RABGAP1: variants seen among roughly 807,000 people sequenced by gnomAD.
The protein encoded by RABGAP1 is RAB GTPase activating protein 1, also known as rab GTPase-activating protein 1.
In RABGAP1, 23 loss-of-function variants were observed where a neutral mutation model predicts 137.6. The ratio of observed to expected loss-of-function variants is 0.17; its 90% confidence interval spans 0.12 to 0.24. The LOEUF is 0.24. Among genes scored for constraint, RABGAP1 ranks in the 10% least tolerant of loss-of-function variants. The pLI is 1.00. For missense variants in RABGAP1, 906 were observed against 1,275.8 expected, an observed-to-expected ratio of 0.71 and a Z score of 4.42; for synonymous variants, 451 against 450.7, an observed-to-expected ratio of 1.00 and a Z score of -0.01.
At chr9:123,088,011 T>A (rs1300133629) in intron 19 of RABGAP1, among the ~76,000 whole-genome samples, 1 of 152,038 alleles carries the variant, frequency 6.6e-6, no homozygotes, top group Non-Finnish European at 1.5e-5. Flanking sequence ...TTACTGAAGT[T>A]TCAGGAAGGG....
intron 23 of RABGAP1, among the ~76,000 whole-genome samples, chr9:123,099,184 G>T (rs568242944): frequency 3.9e-5 from 6 of 152,284 alleles, no homozygotes; most frequent in Admixed American, 3.3e-4. Flanking sequence ...GAATGGTCTT[G>T]TTCCCTCCTA....
chr9:123,059,564 A>G (rs2033885973), intron 13 of RABGAP1, among the ~76,000 whole-genome samples: 1 of 152,136 alleles, frequency 6.6e-6, no homozygotes, highest in Non-Finnish European at 1.5e-5. Flanking sequence ...CAAAATAAAT[A>G]AAAATTAAAA....
chr9:123,019,019 T>G (rs1388875600), intron 12 of RABGAP1, among the ~76,000 whole-genome samples: 1 of 152,190 alleles, frequency 6.6e-6, no homozygotes, highest in Non-Finnish European at 1.5e-5. Context: ...TCTGCATCTG[T>G]AAAACTAGAG....
chr9:123,041,131 T>C (rs907685711), intron 13 of RABGAP1, among the ~76,000 whole-genome samples: 3 of 152,216 alleles, frequency 2.0e-5, no homozygotes, highest in African/African-American at 7.2e-5. Flanking sequence ...TGAGACTCTT[T>C]ATGTTTCAGG....
At chr9:122,933,667 C>G in the RABGAP1 span, among the ~76,000 whole-genome samples, 1 of 152,004 alleles carries the variant, frequency 6.6e-6, no homozygotes, top group East Asian at 1.9e-4. Flanking sequence ...TGCTCTGTCG[C>G]CCAGGCTGAA....
At chr9:122,996,362 G>A in intron 7 of RABGAP1, 177 bp from the exon 8 acceptor site, 1 of 1,135,714 alleles carries the variant, frequency 8.8e-7, no homozygotes, top group Non-Finnish European at 1.2e-6. Flanking sequence ...GGTAATAAAA[G>A]GCAAACGGAA....
At chr9:123,066,091 C>T (rs557854269) in intron 14 of RABGAP1, among the ~76,000 whole-genome samples, 2 of 152,118 alleles carry the variant, frequency 1.3e-5, no homozygotes, top group Admixed American at 6.5e-5. Flanking sequence ...CAAAAGTAAT[C>T]AAGTACTTAT....
intron 13 of RABGAP1, among the ~76,000 whole-genome samples, chr9:123,057,233 G>A (rs1214215911): frequency 1.8e-4 from 27 of 149,056 alleles, no homozygotes; most frequent in Middle Eastern, 7.6e-3. Context: ...GCTGCCGGGC[G>A]GAGGGGCTCC....
intron 6 of RABGAP1, among the ~76,000 whole-genome samples, chr9:122,991,487 A>G (rs978115032): frequency 6.6e-6 from 1 of 152,140 alleles, no homozygotes; most frequent in African/African-American, 2.4e-5. Flanking sequence ...AGACTTTGGA[A>G]TTGTCATGCC....
intron 25 of RABGAP1, among the ~76,000 whole-genome samples, chr9:123,102,834 C>G (rs983037871): frequency 2.0e-5 from 3 of 152,122 alleles, no homozygotes; most frequent in Non-Finnish European, 4.4e-5. Context: ...GCCTGGTGTG[C>G]ATTAGGTGGA....
At chr9:122,993,241 T>C (rs965646858) in intron 6 of RABGAP1, among the ~76,000 whole-genome samples, 5 of 152,104 alleles carry the variant, frequency 3.3e-5, no homozygotes, top group Non-Finnish European at 5.9e-5. Context: ...AATGCTCTTC[T>C]CATTTCTGAA....
intron 2 of RABGAP1, among the ~76,000 whole-genome samples, chr9:122,964,517 CA>C (rs1367082307): frequency 7.2e-5 from 11 of 152,028 alleles, no homozygotes; most frequent in Non-Finnish European, 5.9e-5. Flanking sequence ...AATCTAACAC[CA>C]TTTCATGAAA....
chr9:123,064,223 T>C (rs2034092537), intron 13 of RABGAP1, among the ~76,000 whole-genome samples: 2 of 152,228 alleles, frequency 1.3e-5, no homozygotes, highest in African/African-American at 4.8e-5. Context: ...TTTTTTCCTT[T>C]TGTTGAAGAG....
chr9:122,935,007 G>A, the RABGAP1 span, among the ~76,000 whole-genome samples: 1 of 152,142 alleles, frequency 6.6e-6, no homozygotes, highest in African/African-American at 2.4e-5. Flanking sequence ...TTATTGATAA[G>A]GTGGGATTTA....
intron 13 of RABGAP1, among the ~76,000 whole-genome samples, chr9:123,055,545 TC>T (rs1301391574): frequency 3.6e-4 from 54 of 148,218 alleles, no homozygotes; most frequent in Non-Finnish European, 6.4e-4. Flanking sequence ...TATTTCTTCT[TC>T]TTTTTTTTTT....
chr9:123,099,676 A>AGTG, intron 24 of RABGAP1, 127 bp downstream of exon 24: 1 of 738,722 alleles, frequency 1.4e-6, no homozygotes, highest in Non-Finnish European at 2.3e-6. Flanking sequence ...CACCTGTCAC[A>AGTG]GGTCCTGGCT....
intron 18 of RABGAP1, 94 bp downstream of exon 18, chr9:123,076,380 A>T: frequency 7.2e-7 from 1 of 1,391,354 alleles, no homozygotes; most frequent in South Asian, 1.2e-5. Context: ...GTCACTGTGC[A>T]CTAGCATTAC....
At chr9:122,962,520 TAAAAA>T (rs199690166) in intron 2 of RABGAP1, among the ~76,000 whole-genome samples, 1 of 148,940 alleles carries the variant, frequency 6.7e-6, no homozygotes, top group Non-Finnish European at 1.5e-5. Flanking sequence ...GACTCTCTCT[TAAAAA>T]AAAAAATAAT....
Position 122,998,659 on chromosome 9 carries a change from C to T in RABGAP1, c.1267C>T (p.Arg423Ter). The T allele has an allele frequency of 1.9e-6, 3 of 1,611,648 alleles. No individual in the cohort carries two copies. The highest frequency in any genetic ancestry group is 2.5e-6 in the Non-Finnish European group (3 of 1,177,888). ...LVITEVQEPV[R>*]FLLETKVRVC... ...AATAACAGAAGTACAGGAGCCTGTT[C>T]GATTTCTCCTGGAGACAAAAGTCCG... Residue 423 changes from arginine (R) to a stop codon, truncating the protein, a stop_gained, in exon 10 of 26, where the codon CGA (arginine) becomes TGA (stop). Transcript: ENST00000373647. LOFTEE classifies it high-confidence loss of function.
Sources: gnomAD v4.1 joint callset for allele counts (sites outside exome capture counted in the v4.1 genomes callset) on GRCh38, gnomAD v4.1.1 for gene constraint, MANE v1.5 for transcripts, NCBI Gene and HGNC (gene_info 2026-07-23, HGNC 2026-07-21) for gene names.